The following FN1 variants were observed in gnomAD, a reference collection of about 807,000 sequenced individuals.
The protein encoded by FN1 is fibronectin 1, also known as fibronectin.
A neutral mutation model predicts 297.3 loss-of-function variants in FN1; 106 were observed. The observed-to-expected ratio is 0.36, with a 90% CI of 0.30 to 0.42. The LOEUF (loss-of-function observed/expected upper bound fraction) is 0.42, where lower values mean the gene tolerates loss of function less well. FN1 is among the 10% of genes least tolerant of loss of function. The pLI is 1.00. For synonymous variants in FN1, 1,149 were observed against 1,152.6 expected (o/e 1.00, Z 0.06); for missense variants, 2,690 against 3,124.9 (o/e 0.86, Z 3.32).
At position 215,380,767 on chromosome 2, in the gene FN1, G is replaced by A. The variant is rs763413347; in HGVS notation, c.5434+44C>T. The stretch of plus-strand genomic sequence containing the variant: ...CATAATTCATTCAGTAGGGCATAAA[G>A]CCGCTGCTCCCATGGGCACCTGGTG... On this transcript the variant is annotated intron_variant, in intron 33 of 45. Coordinates refer to ENST00000354785, the MANE Select transcript of FN1 (RefSeq NM_212482.4). The A allele has an allele frequency of 4.5e-5, 73 of 1,610,548 alleles. No homozygotes were observed. In the East Asian group the frequency reaches 1.2e-3, roughly 27 times the overall value.
Position 215,401,263 on chromosome 2 carries a change from G to GAAGGAAGGA in FN1, c.3254-1913_3254-1912insTCCTTCCTT, listed in dbSNP as rs201679295. ...GAAAGAAAGAAAGGAAGAAAGAAAG[G>GAAGGAAGGA]AAGGAAAGGAAAGGAAAGGAAGAAA... On this transcript the variant is annotated intron_variant, in intron 20 of 45. Transcript: ENST00000354785. Among the ~76,000 whole-genome samples, 293 of 74,110 alleles carry GAAGGAAGGA rather than the reference G, an allele frequency of 4.0e-3. 14 individuals are homozygous for GAAGGAAGGA. The highest frequency in any genetic ancestry group is 0.012 in the African/African-American group (173 of 14,514). The allele number at this position is 74,110 out of a possible 152,430, so 48.6% of individuals were successfully genotyped here. A position where few individuals can be genotyped will look rare whatever the true frequency, so the allele number is the denominator to read the frequency against.
chr2:215,393,036 A>C lies in FN1; in HGVS notation c.3964T>G (p.Tyr1322Asp). ...FEDFVDSSVG[Y>D]YTVTGLEPGI... ...GGCTCCAGCCCTGTGACTGTGTAGT[A>C]TCCTACTGAGGAGTCCACAAAATCT... The change falls in exon 25 of 46, where the codon TAC becomes GAC. Residue 1322 changes from tyrosine (Y) to aspartate (D), a missense_variant. This residue lies in a region of FN1 where 1,743 missense variants were observed against 1,945.2 expected (regional missense o/e 0.90). Transcript: ENST00000354785. 6.2e-7 allele frequency: 1 copy of C among 1,614,040 alleles called. No individual in the cohort carries two copies.
intron 2 of FN1, 152 bp from the exon 3 acceptor site, chr2:215,433,613 T>C: frequency 1.2e-6 from 1 of 807,386 alleles, no homozygotes; most frequent in Non-Finnish European, 2.1e-6. Context: ...CAGATTTTTA[T>C]CCTAAGCTCT....
At chr2:215,376,717 T>A in intron 35 of FN1, 43 bp from the exon 36 acceptor site, 1 of 1,589,260 alleles carries the variant, frequency 6.3e-7, no homozygotes, top group African/African-American at 1.3e-5. Context: ...GCTTGGCTCA[T>A]CCATGTAAAG....
At position 215,428,277 on chromosome 2, in the gene FN1, C is replaced by T. The variant is rs2065859176; in HGVS notation, c.747G>A (p.Lys249=). Reference sequence around the variant, plus strand: ...ACTGGAGCAGGTTTCCTCGATTATCCTTCTTGCTCCAGGTGTCTCCAATTC... The same window carrying T: ...ACTGGAGCAGGTTTCCTCGATTATCTTTCTTGCTCCAGGTGTCTCCAATTC... The part of the protein sequence containing the change: ...SYRIGDTWSK[K]DNRGNLLQCI... The change falls in exon 6 of 46, where the codon AAG becomes AAA. Residue 249 remains lysine, a synonymous_variant. Coordinates refer to ENST00000354785, the MANE Select transcript of FN1 (RefSeq NM_212482.4). 1.2e-6 allele frequency: 2 copies of T among 1,614,134 alleles called. No homozygotes were observed. Among genetic ancestry groups the T allele is most frequent in the East Asian group, 2.2e-5 (1 of 44,888 alleles).
rs749462589 is a variant in FN1 at position 215,375,369 on chromosome 2, C to T, written c.6002G>A (p.Arg2001His). Residue 2001 changes from arginine (R) to histidine (H), a missense_variant, in exon 38 of 46, where the codon CGT (arginine) becomes CAT (histidine). Arg to His is a conservative substitution (Grantham distance 29). Around this residue, in one of 3 missense-constraint regions of FN1, gnomAD observed 1,743 missense variants for 1,945.2 expected, o/e 0.90. Coordinates refer to ENST00000354785, the MANE Select transcript of FN1 (RefSeq NM_212482.4). ...GGAATTGGGTGTGGTGGCCAGGAAA[C>T]GCAGGTTGGATGGTGCATCAATGGC... ...STAIDAPSNLRFLATTPNSLL... is the reference protein window; with the variant it reads ...STAIDAPSNLHFLATTPNSLL... The T allele has an allele frequency of 8.0e-5, 129 of 1,613,530 alleles. No homozygotes were observed. Among genetic ancestry groups the T allele is most frequent in the Non-Finnish European group, 1.0e-4 (122 of 1,179,988 alleles).
At position 215,400,751 on chromosome 2, in the gene FN1, CAAA is replaced by C. The variant is rs1175226865; in HGVS notation, c.3254-1403_3254-1401del. 2.0e-4 allele frequency among the ~76,000 whole-genome samples: 11 copies of C among 56,218 alleles called. No homozygotes were observed. In the East Asian group the frequency reaches 6.4e-3, roughly 33 times the overall value. 36.9% of individuals were successfully genotyped at this position (56,218 alleles called of 152,430 possible). A position where few individuals can be genotyped will look rare whatever the true frequency, so the allele number is the denominator to read the frequency against. ...AGGGTGAGAGAGCAAGGCTCCATCT[CAAA>C]AAAAAAAAAAAAAAAAAAAAAGAAA... On this transcript the variant is annotated intron_variant, in intron 20 of 45. Transcript: ENST00000354785.
chr2:215,368,698 T>C (rs2055194841), intron 41 of FN1, among the ~76,000 whole-genome samples: 1 of 152,212 alleles, frequency 6.6e-6, no homozygotes, highest in South Asian at 2.1e-4. Flanking sequence ...GACATTGTTA[T>C]TATAGTGGTG....
At position 215,406,345 on chromosome 2, in the gene FN1, G is replaced by C. The variant is rs565714281; in HGVS notation, c.2879C>G (p.Thr960Ser). The C allele has an allele frequency of 2.2e-5, 35 of 1,614,228 alleles. No homozygotes were observed. In the Admixed American group the frequency reaches 3.5e-4, roughly 16 times the overall value. The change falls in exon 19 of 46, where the codon ACC (threonine) becomes AGC (serine). Residue 960 changes from threonine (T) to serine (S), a missense_variant. Transcript: ENST00000354785. ...GGACAGCCCGGTGACTTCTGCAAAG[G>C]TGTTCCTGCTGATGGGCAGCCTCTG... Reference protein sequence around the residue: ...HGQRLPISRNTFAEVTGLSPG... With the variant: ...HGQRLPISRNSFAEVTGLSPG...
intron 23 of FN1, among the ~76,000 whole-genome samples, chr2:215,395,744 C>A (rs539021002): frequency 6.6e-6 from 1 of 152,140 alleles, no homozygotes; most frequent in East Asian, 1.9e-4. Flanking sequence ...AATATTTTGC[C>A]ATTAGGAACA....
Position 215,436,011 on chromosome 2 carries a change from T to G in FN1, c.-209A>C. On this transcript the variant is annotated 5_prime_UTR_variant, in exon 1 of 46. Transcript: ENST00000354785. ...AGAAGTTGTGGCTGCAGGTCCCCTC[T>G]TCCCGCTCGCGCCTGGGGTTCCCTC... 2.7e-6 allele frequency: 3 copies of G among 1,114,914 alleles called. No individual in the cohort carries two copies. Among genetic ancestry groups the G allele is most frequent in the East Asian group, 2.7e-5 (1 of 37,026 alleles). 69.1% of individuals were successfully genotyped at this position (1,114,914 alleles called of 1,614,324 possible).
At position 215,365,620 on chromosome 2, in the gene FN1, A is replaced by C; in HGVS notation, c.7029T>G (p.His2343Gln). ...CAATCTTGTAGTTCACACCATTGTC[A>C]TGGCACCATCCTGTAGGGGTGGGGA... ...HFRCDSSRWC[H>Q]DNGVNYKIGE... The change falls in exon 43 of 46, where the codon CAT (histidine) becomes CAG (glutamine). Residue 2343 changes from histidine (H) to glutamine (Q), a missense_variant. His to Gln is a conservative substitution (Grantham distance 24). Transcript: ENST00000354785. The C allele has an allele frequency of 1.2e-6, 2 of 1,613,986 alleles. No individual in the cohort carries two copies. Among genetic ancestry groups the C allele is most frequent in the South Asian group, 1.1e-5 (1 of 91,080 alleles).
intron 14 of FN1, 31 bp from the exon 15 acceptor site, chr2:215,409,770 C>T (rs752447658): frequency 1.3e-5 from 21 of 1,612,522 alleles, no homozygotes; most frequent in Non-Finnish European, 1.5e-5. Context: ...GAAAGTCAGC[C>T]TTCAGTCATC....
chr2:215,424,031 C>A (rs1181449327), intron 8 of FN1, 115 bp downstream of exon 8: 1 of 1,078,400 alleles, frequency 9.3e-7, no homozygotes, highest in Non-Finnish European at 1.4e-6. Context: ...CCAAACTGAA[C>A]AAAAGCGATG....
chr2:215,385,125 C>T (rs898913054), intron 28 of FN1, 149 bp from the exon 29 acceptor site: 100 of 670,938 alleles, frequency 1.5e-4, no homozygotes, highest in Non-Finnish European at 1.9e-4. Flanking sequence ...TATATTATGA[C>T]GAATTCAAGA....
rs758368134 is a variant in FN1 at position 215,384,083 on chromosome 2, C to T, written c.4831G>A (p.Ala1611Thr). The T allele has an allele frequency of 1.2e-6, 2 of 1,614,150 alleles. No homozygotes were observed. Among genetic ancestry groups the T allele is most frequent in the South Asian group, 2.2e-5 (2 of 91,072 alleles). The change falls in exon 30 of 46, where the codon GCT becomes ACT. Residue 1611 changes from alanine (A) to threonine (T), a missense_variant. This residue lies in a region of FN1 where 1,743 missense variants were observed against 1,945.2 expected (regional missense o/e 0.90). Transcript: ENST00000354785. The stretch of plus-strand genomic sequence containing the variant: ...GGGCTGTCTCCACGGCCAGTGACAG[C>T]ATACACAGTGATGGTATAATCAACT... Reference protein sequence around the residue: ...PGVDYTITVYAVTGRGDSPAS... With the variant: ...PGVDYTITVYTVTGRGDSPAS...
chr2:215,412,828 G>C (rs1465018999), intron 13 of FN1, among the ~76,000 whole-genome samples: 1 of 117,344 alleles, frequency 8.5e-6, no homozygotes, highest in Non-Finnish European at 1.7e-5. Context: ...TATTTTGAAA[G>C]ATAAAGCTGT....
At chr2:215,432,934 G>C (rs1355097393) in intron 3 of FN1, among the ~76,000 whole-genome samples, 1 of 152,092 alleles carries the variant, frequency 6.6e-6, no homozygotes, top group African/African-American at 2.4e-5. Flanking sequence ...CACTCTTCAT[G>C]AACACCTTCC....
Position 215,367,736 on chromosome 2 carries a change from G to A in FN1, c.7018+127C>T. 3.3e-6 allele frequency: 3 copies of A among 907,334 alleles called. No individual in the cohort carries two copies. The South Asian group carries it at 4.2e-5, about 13-fold the overall frequency. 56.2% of individuals were successfully genotyped at this position (907,334 alleles called of 1,614,324 possible). ...GCAAAATATTACTTCGAGTCAAACA[G>A]TATTCTCTTGTTTGCTTCATGTTTG... On this transcript the variant is annotated intron_variant, in intron 42 of 45. Transcript: ENST00000354785.
Sources: allele counts gnomAD v4.1 joint callset (sites outside exome capture counted in the v4.1 genomes callset), GRCh38; gene constraint gnomAD v4.1.1; regional missense constraint gnomAD v4.1.1; transcripts MANE v1.5; gene names NCBI Gene and HGNC (gene_info 2026-07-23, HGNC 2026-07-21).